The following GRID2 variants were observed in gnomAD, a reference collection of about 807,000 sequenced individuals.
The protein encoded by GRID2 is glutamate receptor ionotropic, delta-2.
GRID2 carries 33 observed loss-of-function variants against 114.8 expected under a neutral mutation model. The ratio of observed to expected loss-of-function variants is 0.29; its 90% CI spans 0.22 to 0.38. The LOEUF is 0.38. Ranked by LOEUF, GRID2 falls within the 10% of genes least tolerant of loss-of-function variation. GRID2 has a pLI of 1.00. For missense variants in GRID2, 1,184 were observed against 1,257.7 expected (o/e 0.94, Z 0.89); for synonymous variants, 505 against 449.9 (o/e 1.12, Z -1.55).
chr4:92,575,852 A>G (rs1727865376), intron 1 of GRID2, among the ~76,000 whole-genome samples: 1 of 152,208 alleles, frequency 6.6e-6, no homozygotes, highest in Admixed American at 6.5e-5. Context: ...ACTCCCTCCC[A>G]GAGAGAAATT....
intron 14 of GRID2, among the ~76,000 whole-genome samples, chr4:93,716,887 G>A (rs1177494316): frequency 6.6e-6 from 1 of 151,966 alleles, no homozygotes. Context: ...CTAGATCAAT[G>A]CAAATTTTTT....
intron 2 of GRID2, among the ~76,000 whole-genome samples, chr4:92,883,293 C>T (rs1372143592): frequency 6.6e-6 from 1 of 152,190 alleles, no homozygotes; most frequent in Non-Finnish European, 1.5e-5. Flanking sequence ...AACTTAGTCA[C>T]ATCTTCAGGC....
intron 14 of GRID2, among the ~76,000 whole-genome samples, chr4:93,736,806 CA>C (rs888790100): frequency 3.7e-5 from 4 of 108,946 alleles, no homozygotes; most frequent in Admixed American, 1.9e-4. Context: ...GGCATGGCTC[CA>C]ATTTTTTTTT....
At chr4:93,278,474 A>C (rs987620660) in intron 8 of GRID2, among the ~76,000 whole-genome samples, 2 of 151,916 alleles carry the variant, frequency 1.3e-5, no homozygotes, top group Non-Finnish European at 2.9e-5. Flanking sequence ...TCTTAGTGCT[A>C]GGGAAGGCTA....
At chr4:92,834,036 A>G (rs1318876245) in intron 2 of GRID2, 1 of 152,212 alleles carries the variant, frequency 6.6e-6, no homozygotes, top group Non-Finnish European at 1.5e-5. Flanking sequence ...TTTTAGCAGC[A>G]TTGATTTGAA....
At chr4:92,901,570 A>G (rs1026633925) in intron 2 of GRID2, among the ~76,000 whole-genome samples, 1 of 152,170 alleles carries the variant, frequency 6.6e-6, no homozygotes, top group South Asian at 2.1e-4. Context: ...ACCTAGGCCA[A>G]TGTCCAAAAG....
At chr4:93,118,134 G>A (rs1733454143) in intron 4 of GRID2, among the ~76,000 whole-genome samples, 1 of 152,164 alleles carries the variant, frequency 6.6e-6, no homozygotes, top group Non-Finnish European at 1.5e-5. Context: ...ACAGTCTGTA[G>A]TCTACGGCTT....
At chr4:92,437,616 A>G (rs1732800720) in intron 1 of GRID2, among the ~76,000 whole-genome samples, 1 of 152,220 alleles carries the variant, frequency 6.6e-6, no homozygotes, top group Admixed American at 6.5e-5. Flanking sequence ...TCTGGAATCA[A>G]CGTCTTTAAT....
chr4:93,583,376 A>C (rs2149598177), intron 13 of GRID2, among the ~76,000 whole-genome samples: 1 of 152,246 alleles, frequency 6.6e-6, no homozygotes, highest in South Asian at 2.1e-4. Flanking sequence ...GCAAATCATT[A>C]GCTGCTTTCT....
intron 7 of GRID2, among the ~76,000 whole-genome samples, chr4:93,237,508 A>G (rs1370794779): frequency 6.6e-6 from 1 of 151,928 alleles, no homozygotes; most frequent in Non-Finnish European, 1.5e-5. Flanking sequence ...GGTGATAATT[A>G]AAACAATTTA....
intron 5 of GRID2, among the ~76,000 whole-genome samples, chr4:93,211,145 C>T (rs1037956693): frequency 6.6e-6 from 1 of 151,910 alleles, no homozygotes; most frequent in Non-Finnish European, 1.5e-5. Flanking sequence ...TCCAATTTAG[C>T]TTCCACAAGT....
At chr4:92,727,364 G>T (rs995129515) in intron 2 of GRID2, among the ~76,000 whole-genome samples, 3 of 151,918 alleles carry the variant, frequency 2.0e-5, no homozygotes, top group South Asian at 2.1e-4. Context: ...CAAACCAAAA[G>T]AATTCTCTAG....
At chr4:93,162,027 A>C (rs1737735960) in intron 4 of GRID2, among the ~76,000 whole-genome samples, 1 of 151,828 alleles carries the variant, frequency 6.6e-6, no homozygotes, top group Non-Finnish European at 1.5e-5. Flanking sequence ...TTTCCAGAAA[A>C]GCCTTGAAAT....
chr4:92,746,953 C>G (rs1049746817), intron 2 of GRID2, among the ~76,000 whole-genome samples: 2 of 152,080 alleles, frequency 1.3e-5, no homozygotes, highest in African/African-American at 4.8e-5. Context: ...TGCATTATTT[C>G]TAACACGTCA....
intron 2 of GRID2, among the ~76,000 whole-genome samples, chr4:92,924,123 A>G (rs1349205221): frequency 6.6e-6 from 1 of 152,318 alleles, no homozygotes; most frequent in African/African-American, 2.4e-5. Flanking sequence ...GCTGGAAACC[A>G]TCATTCTCAG....
intron 13 of GRID2, among the ~76,000 whole-genome samples, chr4:93,613,152 T>G (rs987606630): frequency 1.9e-4 from 28 of 149,588 alleles, no homozygotes; most frequent in African/African-American, 6.6e-4. Context: ...AGCCTTGGTT[T>G]TCAGGTCCAT....
intron 1 of GRID2, among the ~76,000 whole-genome samples, chr4:92,369,463 G>A (rs1729018155): frequency 6.6e-6 from 1 of 152,114 alleles, no homozygotes; most frequent in South Asian, 2.1e-4. Flanking sequence ...TTAATCAGAT[G>A]CTCTGGGCCA....
chr4:93,503,573 G>T (rs1728341991), intron 12 of GRID2, among the ~76,000 whole-genome samples: 1 of 148,930 alleles, frequency 6.7e-6, no homozygotes, highest in Non-Finnish European at 1.5e-5. Flanking sequence ...AGAACATGCG[G>T]TGTTCGGTTT....
intron 2 of GRID2, among the ~76,000 whole-genome samples, chr4:93,062,764 T>C (rs1727919790): frequency 6.6e-6 from 1 of 151,990 alleles, no homozygotes; most frequent in African/African-American, 2.4e-5. Flanking sequence ...GGAACGAAGT[T>C]GACCTTGACT....
Sources: gnomAD v4.1 joint callset for allele counts (sites outside exome capture counted in the v4.1 genomes callset) on GRCh38, gnomAD v4.1.1 for gene constraint, MANE v1.5 for transcripts, NCBI Gene and HGNC (gene_info 2026-07-23, HGNC 2026-07-21) for gene names.